ARFGEF2: variants seen among roughly 807,000 people sequenced by gnomAD.
ARFGEF2 encodes ARF guanine nucleotide exchange factor 2.
In ARFGEF2, 74 loss-of-function variants were observed where a neutral mutation model predicts 219.9. The observed-to-expected ratio is 0.34, with a 90% confidence interval of 0.28 to 0.41. The LOEUF (loss-of-function observed/expected upper bound fraction) is 0.41, where lower values mean the gene tolerates loss of function less well. Ranked by LOEUF, ARFGEF2 falls within the 10% of genes least tolerant of loss-of-function variation. The pLI, the probability that ARFGEF2 is intolerant of heterozygous loss-of-function variation, is 1.00. For missense variants in ARFGEF2, 1,743 were observed against 2,218.3 expected (o/e 0.79, Z 4.30); for synonymous variants, 733 against 799.2 (o/e 0.92, Z 1.40).
chr20:48,963,377 C>T lies in ARFGEF2; in HGVS notation c.839-453C>T, dbSNP rs573123756. Among the ~76,000 whole-genome samples, 12 of 152,150 alleles carry T rather than the reference C, an allele frequency of 7.9e-5. 1 individual carries two copies. In the South Asian group the frequency reaches 2.5e-3, roughly 32 times the overall value. Reference sequence around the variant, plus strand: ...AACTATCACATTGGAAATCTCATGCCAGATTCTGGGTTTACAGTGTGAGAA... The same window carrying T: ...AACTATCACATTGGAAATCTCATGCTAGATTCTGGGTTTACAGTGTGAGAA... On this transcript the variant is annotated intron_variant, in intron 6 of 38. Transcript: ENST00000371917.
chr20:49,030,408 C>T (rs2091627242), intron 37 of ARFGEF2, among the ~76,000 whole-genome samples: 2 of 150,458 alleles, frequency 1.3e-5, no homozygotes, highest in African/African-American at 4.9e-5. Context: ...GCTCTTCCTG[C>T]CTCAGCCTCC....
At chr20:49,015,376 G>C (rs2091523372) in intron 30 of ARFGEF2, among the ~76,000 whole-genome samples, 1 of 152,186 alleles carries the variant, frequency 6.6e-6, no homozygotes, top group Non-Finnish European at 1.5e-5. Context: ...AGCCTCCAAA[G>C]TGCAGGGATT....
At position 49,033,425 on chromosome 20, in the gene ARFGEF2, G is replaced by T; in HGVS notation, c.*226G>T. On this transcript the variant is annotated 3_prime_UTR_variant, in exon 39 of 39. Transcript: ENST00000371917. The stretch of plus-strand genomic sequence containing the variant: ...AGTTAGCACAGTAGGTGGGGAGTCT[G>T]CTTCATTTCTATCATTCCATTTTTC... The T allele has an allele frequency of 3.7e-6, 2 of 537,426 alleles. No homozygotes were observed. The highest frequency in any genetic ancestry group is 3.2e-5 in the Admixed American group (1 of 31,090). 33.3% of individuals were successfully genotyped at this position (537,426 alleles called of 1,614,324 possible). A position where few individuals can be genotyped will look rare whatever the true frequency, so the allele number is the denominator to read the frequency against.
chr20:49,017,319 C>T lies in ARFGEF2; in HGVS notation c.4386C>T (p.Phe1462=), dbSNP rs745723407. 1.2e-6 allele frequency: 2 copies of T among 1,614,014 alleles called. No homozygotes were observed. Among genetic ancestry groups the T allele is most frequent in the Non-Finnish European group, 1.7e-6 (2 of 1,179,948 alleles). ...TAGTAATATCCAATGGAGAGAAATT[C>T]AGTCCTGAAGTCTGGGATGAAACCT... is the stretch of plus-strand genomic sequence containing the variant. ...ENLVISNGEK[F]SPEVWDETCN... is the part of the protein sequence containing the mutation. The change falls in exon 32 of 39, where the codon TTC becomes TTT. Residue 1462 remains phenylalanine, a synonymous_variant. Coordinates refer to ENST00000371917, the MANE Select transcript of ARFGEF2 (RefSeq NM_006420.3).
chr20:48,988,271 A>G, intron 16 of ARFGEF2, 33 bp from the exon 17 acceptor site: 2 of 1,536,116 alleles, frequency 1.3e-6, no homozygotes, highest in Non-Finnish European at 1.8e-6. Flanking sequence ...CCGCATCACC[A>G]TGAATATTGA....
intron 14 of ARFGEF2, among the ~76,000 whole-genome samples, chr20:48,979,282 G>T (rs1040958987): frequency 6.6e-6 from 1 of 152,198 alleles, no homozygotes; most frequent in Admixed American, 6.5e-5. Flanking sequence ...TACGTTTATT[G>T]ATTTGTGTAT....
At chr20:49,005,027 A>C (rs1184020648) in intron 25 of ARFGEF2, 43 bp from the exon 26 acceptor site, 1 of 1,613,520 alleles carries the variant, frequency 6.2e-7, no homozygotes, top group Non-Finnish European at 8.5e-7. Context: ...GTCGGTCATT[A>C]TTACACTATA....
At chr20:48,964,088 T>G (rs1940178934) in intron 7 of ARFGEF2, among the ~76,000 whole-genome samples, 190 bp downstream of exon 7, 2 of 152,134 alleles carry the variant, frequency 1.3e-5, no homozygotes, top group Non-Finnish European at 2.9e-5. Flanking sequence ...ACTGACTGAT[T>G]TTAGTCTCAT....
chr20:49,012,702 A>G (rs2091507309), intron 28 of ARFGEF2, among the ~76,000 whole-genome samples: 1 of 152,166 alleles, frequency 6.6e-6, no homozygotes, highest in African/African-American at 2.4e-5. Flanking sequence ...ACAACAGCTC[A>G]CTAAGATGTG....
intron 8 of ARFGEF2, among the ~76,000 whole-genome samples, chr20:48,968,775 C>T (rs773518606): frequency 1.1e-4 from 16 of 152,134 alleles, no homozygotes; most frequent in Non-Finnish European, 1.5e-4. Flanking sequence ...TTTAAACCAC[C>T]CATACCAACT....
At chr20:48,938,745 C>T (rs1231061108) in intron 1 of ARFGEF2, among the ~76,000 whole-genome samples, 1 of 152,094 alleles carries the variant, frequency 6.6e-6, no homozygotes, top group African/African-American at 2.4e-5. Context: ...TGGATTTCGA[C>T]CTCTGGAAAA....
rs2664589 is a variant in ARFGEF2 at position 49,036,492 on chromosome 20, A to T, written c.*3293A>T. On this transcript the variant is annotated 3_prime_UTR_variant, in exon 39 of 39. Coordinates refer to ENST00000371917, the MANE Select transcript of ARFGEF2 (RefSeq NM_006420.3). ...ATAGTTACTTTGGTTTAACCTATAC[A>T]CAATGATTAAGTGCATTTAATATTG... The T allele has an allele frequency of 2.8e-6, 1 of 357,948 alleles. No homozygotes were observed. The highest frequency in any genetic ancestry group is 1.5e-4 in the South Asian group (1 of 6,670). 22.2% of individuals were successfully genotyped at this position (357,948 alleles called of 1,614,324 possible).
chr20:49,018,650 C>T (rs2091545684), intron 33 of ARFGEF2, among the ~76,000 whole-genome samples: 1 of 152,198 alleles, frequency 6.6e-6, no homozygotes, highest in Non-Finnish European at 1.5e-5. Context: ...GAAATGTCCT[C>T]TGGGTTGGAA....
At chr20:48,973,940 G>A (rs184472585) in intron 12 of ARFGEF2, among the ~76,000 whole-genome samples, 2 of 152,110 alleles carry the variant, frequency 1.3e-5, no homozygotes, top group Non-Finnish European at 1.5e-5. Flanking sequence ...TAAGAATGCT[G>A]TTTATTTTTG....
intron 28 of ARFGEF2, among the ~76,000 whole-genome samples, chr20:49,012,559 A>G (rs2123523370): frequency 6.6e-6 from 1 of 152,292 alleles, no homozygotes; most frequent in Non-Finnish European, 1.5e-5. Flanking sequence ...TTTGGTTTAA[A>G]TGACAGAGTC....
chr20:48,921,758 G>C lies in ARFGEF2; in HGVS notation c.-132G>C. 2.1e-6 allele frequency: 2 copies of C among 965,552 alleles called. No homozygotes were observed. The highest frequency in any genetic ancestry group is 5.3e-5 in the East Asian group (1 of 18,724). The allele number at this position is 965,552 out of a possible 1,614,324, so 59.8% of individuals were successfully genotyped here. A position where few individuals can be genotyped will look rare whatever the true frequency, so the allele number is the denominator to read the frequency against. On this transcript the variant is annotated 5_prime_UTR_variant, in exon 1 of 39. Transcript: ENST00000371917. ...AACATGGCGGCGCCGTGGGGCCGAG[G>C]TGTCGCTTCCTGACGGGGCGGCGCG...
At position 48,977,612 on chromosome 20, in the gene ARFGEF2, A is replaced by G. The variant is rs371590333; in HGVS notation, c.1958+1413A>G. Among the ~76,000 whole-genome samples, 49 of 152,234 alleles carry G rather than the reference A, an allele frequency of 3.2e-4. 1 individual carries two copies. The highest frequency in any genetic ancestry group is 1.8e-3 in the Admixed American group (27 of 15,298). On this transcript the variant is annotated intron_variant, in intron 14 of 38. Coordinates refer to ENST00000371917, the MANE Select transcript of ARFGEF2 (RefSeq NM_006420.3). ...CCACCAACAGTGTAAAAGCGTTCCTATTTCTCCACATCCTCTCCAGCATCT... is the reference window on the plus strand; with the variant it reads ...CCACCAACAGTGTAAAAGCGTTCCTGTTTCTCCACATCCTCTCCAGCATCT...
intron 25 of ARFGEF2, among the ~76,000 whole-genome samples, chr20:49,001,364 T>C (rs547155203): frequency 1.3e-5 from 2 of 152,270 alleles, no homozygotes; most frequent in African/African-American, 4.8e-5. Context: ...CTTAACTTTT[T>C]CCACCACCTT....
Position 48,921,716 on chromosome 20 carries a change from G to A in ARFGEF2, c.-174G>A, listed in dbSNP as rs971343367. 2.0e-5 allele frequency among the ~76,000 whole-genome samples: 3 copies of A among 152,086 alleles called. No homozygotes were observed. The highest frequency in any genetic ancestry group is 4.4e-5 in the Non-Finnish European group (3 of 67,968). ...CCGTAGCGGCCTCGCCAGTCACGTG[G>A]TCACGTGACGCGCTCCAACATGGCG... On this transcript the variant is annotated 5_prime_UTR_variant, in exon 1 of 39. Coordinates refer to ENST00000371917, the MANE Select transcript of ARFGEF2 (RefSeq NM_006420.3).
Sources: allele counts gnomAD v4.1 joint callset (sites outside exome capture counted in the v4.1 genomes callset), GRCh38; gene constraint gnomAD v4.1.1; transcripts MANE v1.5; gene names NCBI Gene and HGNC (gene_info 2026-07-23, HGNC 2026-07-21).